Variants in KCNC4 observed in about 807,000 individuals in gnomAD.
The protein encoded by KCNC4 is voltage-gated potassium channel KCNC4.
KCNC4 carries 23 observed loss-of-function variants against 42.8 expected under a neutral mutation model. That is an observed-to-expected ratio of 0.54 (90% confidence interval 0.39 to 0.76). KCNC4 has a LOEUF of 0.76. Among genes scored for constraint, KCNC4 ranks in the 30% least tolerant of loss-of-function variants. The pLI is 0.00. For synonymous variants in KCNC4, 422 were observed against 393.5 expected (o/e 1.07, Z -0.86); for missense variants, 751 against 898.2 (o/e 0.84, Z 2.10).
At chr1:110,242,627 T>A (rs1354510721) in exon 4 of KCNC4, 2 of 152,222 alleles carry the variant, frequency 1.3e-5, no homozygotes, top group African/African-American at 4.8e-5. Flanking sequence ...TCTGGCTTTC[T>A]CTCTGTCGAG....
At chr1:110,257,413 C>CA (rs869271653) in intron 1 of KCNC4, among the ~76,000 whole-genome samples, 4,551 of 136,308 alleles carry the variant, frequency 0.033, 194 homozygotes, top group African/African-American at 0.11. Flanking sequence ...TCCCCTGCCG[C>CA]AAAAAAAAAA....
chr1:110,259,243 C>T (rs1659386637), intron 1 of KCNC4, among the ~76,000 whole-genome samples: 1 of 152,152 alleles, frequency 6.6e-6, no homozygotes, highest in South Asian at 2.1e-4. Context: ...GACTAGGGCA[C>T]ACGGGGAACC....
At chr1:110,245,361 C>T (rs149995294) in exon 4 of KCNC4, 13 of 152,354 alleles carry the variant, frequency 8.5e-5, no homozygotes, top group African/African-American at 2.9e-4. Context: ...TAGGTCCATT[C>T]CTCAAGTTCT....
chr1:110,267,132 G>A (rs994307463), intron 1 of KCNC4, among the ~76,000 whole-genome samples: 2 of 152,190 alleles, frequency 1.3e-5, no homozygotes, highest in Non-Finnish European at 1.5e-5. Flanking sequence ...GTCTGTGTAG[G>A]GTGGGCTTTG....
downstream of KCNC4, among the ~76,000 whole-genome samples, chr1:110,252,359 C>T (rs1240590835): frequency 6.6e-6 from 1 of 152,196 alleles, no homozygotes; most frequent in East Asian, 1.9e-4. Flanking sequence ...CCTTCCCTAC[C>T]TTGGTTACAG....
Position 110,212,144 on chromosome 1 carries a change from C to T in KCNC4, c.645C>T (p.Leu215=). Residue 215 remains leucine, a synonymous_variant, in exon 1 of 4, where the codon CTC becomes CTT. Coordinates refer to ENST00000438661, the MANE Select transcript of KCNC4 (RefSeq NM_001039574.3). ...GCTGGCAGCCCCGCATGTGGGCGCT[C>T]TTCGAGGATCCCTACTCCTCCCGGG... is the stretch of plus-strand genomic sequence containing the variant. ...CRGWQPRMWA[L]FEDPYSSRAA... is the part of the protein sequence containing the mutation. 3 of 1,511,074 alleles carry T rather than the reference C, an allele frequency of 2.0e-6. No homozygotes were observed. The highest frequency in any genetic ancestry group is 2.6e-6 in the Non-Finnish European group (3 of 1,146,768). 93.6% of individuals were successfully genotyped at this position (1,511,074 alleles called of 1,614,324 possible).
chr1:110,216,091 C>T (rs1657778413), intron 1 of KCNC4, among the ~76,000 whole-genome samples: 1 of 152,220 alleles, frequency 6.6e-6, no homozygotes, highest in African/African-American at 2.4e-5. Flanking sequence ...AGGGAAGCTC[C>T]CTGGCCCAGG....
intron 1 of KCNC4, chr1:110,221,199 G>A (rs1216742632): frequency 6.6e-6 from 1 of 152,222 alleles, no homozygotes; most frequent in African/African-American, 2.4e-5. Flanking sequence ...CTGCCTGGGA[G>A]GTGGTGAAAA....
rs754764777 is a variant in KCNC4 at position 110,211,879 on chromosome 1, A to T, written c.380A>T (p.Glu127Val). Residue 127 changes from glutamate to valine, a missense_variant, in exon 1 of 4, where the codon GAA (glutamate) becomes GTA (valine). This residue lies in a region of KCNC4 where 183 missense variants were observed against 255.8 expected (regional missense o/e 0.72). Transcript: ENST00000438661. The surrounding 1 kb of genome is among the most constrained non-coding windows in gnomAD (Gnocchi z 6.5). The stretch of plus-strand genomic sequence containing the variant: ...GCGGACGTGTGCGGGCCGCTCTTCG[A>T]AGAGGAGCTCACCTTCTGGGGCATC... The part of the protein sequence containing the change: ...CPADVCGPLF[E>V]EELTFWGIDE... The T allele has an allele frequency of 6.2e-7, 1 of 1,611,682 alleles. No homozygotes were observed. Among genetic ancestry groups the T allele is most frequent in the Non-Finnish European group, 8.5e-7 (1 of 1,179,826 alleles).
intron 1 of KCNC4, among the ~76,000 whole-genome samples, chr1:110,271,987 C>T (rs1174876890): frequency 6.6e-6 from 1 of 152,168 alleles, no homozygotes; most frequent in Non-Finnish European, 1.5e-5. Flanking sequence ...GACAGATCCC[C>T]CCTTCCCGCC....
chr1:110,229,208 G>A (rs1296836996), intron 3 of KCNC4: 1 of 152,300 alleles, frequency 6.6e-6, no homozygotes, highest in Non-Finnish European at 1.5e-5. Context: ...AGGCTGTTAT[G>A]TCGGGCATCT....
At chr1:110,251,115 G>A (rs1204760416), downstream of KCNC4, among the ~76,000 whole-genome samples, 4 of 152,150 alleles carry the variant, frequency 2.6e-5, no homozygotes, top group Non-Finnish European at 5.9e-5. Flanking sequence ...TCTACTGGCA[G>A]GAGTCCCTAT....
downstream of KCNC4, among the ~76,000 whole-genome samples, chr1:110,250,810 GGAGGAGGA>G (rs1170941463): frequency 1.3e-5 from 2 of 152,188 alleles, no homozygotes; most frequent in African/African-American, 4.8e-5. Context: ...TTCTCTAGGA[GGAGGAGGA>G]GAGGAGCGGC....
intron 1 of KCNC4, among the ~76,000 whole-genome samples, chr1:110,255,483 G>A (rs1479298854): frequency 6.6e-6 from 1 of 152,178 alleles, no homozygotes; most frequent in Non-Finnish European, 1.5e-5. Flanking sequence ...GCTTAGCGGG[G>A]CTGGAGAGTC....
intron 1 of KCNC4, among the ~76,000 whole-genome samples, chr1:110,278,260 C>A (rs1010166011): frequency 6.6e-6 from 1 of 152,100 alleles, no homozygotes; most frequent in Non-Finnish European, 1.5e-5. Flanking sequence ...GTCCCTTGGG[C>A]AGATCACCTT....
At chr1:110,225,880 G>C (rs1386918454) in intron 2 of KCNC4, 95 bp from the exon 3 acceptor site, 2 of 1,211,918 alleles carry the variant, frequency 1.7e-6, no homozygotes, top group African/African-American at 1.5e-5. Context: ...CCAAGGTTGA[G>C]GAAGTAACAC....
chr1:110,259,256 C>T (rs1337507919), intron 1 of KCNC4, among the ~76,000 whole-genome samples: 1 of 152,182 alleles, frequency 6.6e-6, no homozygotes, highest in African/African-American at 2.4e-5. Flanking sequence ...GGGGAACCCA[C>T]CGGAACACTT....
downstream of KCNC4, chr1:110,236,548 C>T (rs1658911622): frequency 1.3e-5 from 2 of 152,206 alleles, no homozygotes; most frequent in South Asian, 2.1e-4. Flanking sequence ...ACTCACTCTC[C>T]CTTTTACGTG....
chr1:110,273,943 T>A (rs1489381602), intron 1 of KCNC4, among the ~76,000 whole-genome samples: 7 of 152,160 alleles, frequency 4.6e-5, no homozygotes, highest in African/African-American at 1.4e-4. Context: ...AGGAGCTTCC[T>A]TAGGACTAAA....
Sources: gnomAD v4.1 joint callset for allele counts (sites outside exome capture counted in the v4.1 genomes callset) on GRCh38, gnomAD v4.1.1 for gene constraint, gnomAD v4.1.1 regional missense constraint, Gnocchi (gnomAD v3.1) non-coding constraint, MANE v1.5 for transcripts, NCBI Gene and HGNC (gene_info 2026-07-23, HGNC 2026-07-21) for gene names.